The following TTLL5 variants were observed in gnomAD, a reference collection of about 807,000 sequenced individuals.
TTLL5 encodes tubulin polyglutamylase TTLL5.
Under a neutral mutation model 168.4 loss-of-function variants are expected in TTLL5, and 132 were observed. The ratio of observed to expected loss-of-function variants is 0.78; its 90% confidence interval spans 0.68 to 0.91. TTLL5 has a LOEUF of 0.91. Ranked by LOEUF, TTLL5 falls within the 40% of genes least tolerant of loss-of-function variation. The pLI is 0.00. For synonymous variants in TTLL5, 546 were observed against 558.6 expected, an observed-to-expected ratio of 0.98 and a Z score of 0.32; for missense variants, 1,545 against 1,581.5, an observed-to-expected ratio of 0.98 and a Z score of 0.39.
intron 31 of TTLL5, among the ~76,000 whole-genome samples, chr14:75,924,609 C>T (rs1328433745): frequency 6.6e-6 from 1 of 151,914 alleles, no homozygotes; most frequent in Admixed American, 6.5e-5. Context: ...GGTAAGGTCA[C>T]CGATCAACAG....
At chr14:75,688,546 A>G (rs1885228614) in intron 5 of TTLL5, among the ~76,000 whole-genome samples, 1 of 152,206 alleles carries the variant, frequency 6.6e-6, no homozygotes, top group African/African-American at 2.4e-5. Flanking sequence ...AGGGAGTCGT[A>G]GGGATGCCTA....
intron 31 of TTLL5, among the ~76,000 whole-genome samples, chr14:75,925,163 C>T (rs1353171650): frequency 1.6e-4 from 23 of 140,648 alleles, no homozygotes; most frequent in East Asian, 4.4e-4. Flanking sequence ...CCCTCCCGGA[C>T]GGGGCGGCTG....
At chr14:75,937,317 G>A (rs1401746023) in intron 31 of TTLL5, among the ~76,000 whole-genome samples, 3 of 150,178 alleles carry the variant, frequency 2.0e-5, no homozygotes, top group African/African-American at 7.4e-5. Context: ...TAGTAGAGAC[G>A]GGGTTTCATC....
intron 28 of TTLL5, among the ~76,000 whole-genome samples, chr14:75,832,081 C>T (rs929156972): frequency 2.6e-5 from 4 of 152,022 alleles, no homozygotes; most frequent in South Asian, 2.1e-4. Flanking sequence ...TCCCTTTTTA[C>T]GAAAGAACAG....
intron 27 of TTLL5, among the ~76,000 whole-genome samples, chr14:75,817,563 A>C (rs771891851): frequency 6.6e-6 from 1 of 152,232 alleles, no homozygotes; most frequent in Non-Finnish European, 1.5e-5. Context: ...CTTGCTAAAA[A>C]TGACCTTTTT....
intron 25 of TTLL5, 104 bp from the exon 26 acceptor site, chr14:75,783,043 T>C: frequency 2.4e-6 from 3 of 1,255,526 alleles, no homozygotes; most frequent in Non-Finnish European, 3.2e-6. Context: ...TTCTGTTTCA[T>C]GCCAAGATTA....
chr14:75,816,254 GTC>G (rs368689557), intron 27 of TTLL5, among the ~76,000 whole-genome samples: 1,886 of 152,232 alleles, frequency 0.012, 15 homozygotes, highest in South Asian at 0.025. Context: ...GTGAAATCCT[GTC>G]TCTACTAAAA....
chr14:75,907,864 A>G (rs1482658143), intron 31 of TTLL5, among the ~76,000 whole-genome samples: 2 of 152,252 alleles, frequency 1.3e-5, no homozygotes, highest in Non-Finnish European at 2.9e-5. Context: ...TGGCAGCCAG[A>G]AGAACAAATG....
rs1011610648 is a variant in TTLL5 at position 75,721,481 on chromosome 14, G to A, written c.1042+778G>A. On this transcript the variant is annotated intron_variant, in intron 12 of 31. Transcript: ENST00000298832. The stretch of plus-strand genomic sequence containing the variant: ...GGGGAGGATGATTAAAGTGTGGTGT[G>A]GAGTAATACAGGTAGTAAGGATATG... Among the ~76,000 whole-genome samples, 8 of 152,282 alleles carry A rather than the reference G, an allele frequency of 5.3e-5. No individual in the cohort carries two copies. The South Asian group carries it at 1.4e-3, about 28-fold the overall frequency.
At chr14:75,831,473 G>T (rs1481828791) in intron 28 of TTLL5, among the ~76,000 whole-genome samples, 2 of 152,126 alleles carry the variant, frequency 1.3e-5, no homozygotes, top group African/African-American at 4.8e-5. Flanking sequence ...GCTAGATGTT[G>T]GGGGAGTCTT....
At chr14:75,828,212 A>G (rs540969417) in intron 28 of TTLL5, among the ~76,000 whole-genome samples, 1 of 152,240 alleles carries the variant, frequency 6.6e-6, no homozygotes, top group East Asian at 1.9e-4. Flanking sequence ...TCAAATCACA[A>G]TTGACCCTTG....
At chr14:75,927,075 G>A (rs930203858) in intron 31 of TTLL5, among the ~76,000 whole-genome samples, 2 of 152,118 alleles carry the variant, frequency 1.3e-5, no homozygotes, top group Non-Finnish European at 2.9e-5. Context: ...TGTGGTAATG[G>A]TTACCCCATT....
At chr14:75,754,300 T>C (rs1288128533) in intron 18 of TTLL5, among the ~76,000 whole-genome samples, 2 of 152,250 alleles carry the variant, frequency 1.3e-5, no homozygotes, top group African/African-American at 4.8e-5. Flanking sequence ...TTCTGTTTTT[T>C]GCATTATTTT....
intron 30 of TTLL5, among the ~76,000 whole-genome samples, chr14:75,895,048 C>T (rs996020226): frequency 5.3e-5 from 8 of 152,140 alleles, no homozygotes; most frequent in African/African-American, 1.7e-4. Flanking sequence ...GCAGAATTAA[C>T]ATTTTGCTTT....
chr14:75,902,542 T>G, intron 31 of TTLL5: 1 of 514,118 alleles, frequency 1.9e-6, no homozygotes, highest in Non-Finnish European at 3.8e-6. Context: ...TTCCGCATGT[T>G]GTATCTCTCA....
chr14:75,714,709 C>A (rs2140189829), intron 9 of TTLL5, among the ~76,000 whole-genome samples: 1 of 152,304 alleles, frequency 6.6e-6, no homozygotes, highest in East Asian at 1.9e-4. Context: ...ATTCTTTGAG[C>A]ACAAGATGTT....
At chr14:75,927,104 TTTTG>T (rs1316342485) in intron 31 of TTLL5, among the ~76,000 whole-genome samples, 1 of 152,204 alleles carries the variant, frequency 6.6e-6, no homozygotes, top group Non-Finnish European at 1.5e-5. Flanking sequence ...GTGTTTTTGT[TTTTG>T]TTTTAATTTT....
chr14:75,714,291 C>A lies in TTLL5; in HGVS notation c.741-3570C>A, dbSNP rs192012106. ...TTGCTTTAGGTCATCTGCTAGATTC[C>A]TCCACTGTAAAATTATTTGGTCTTA... On this transcript the variant is annotated intron_variant, in intron 9 of 31. Coordinates refer to ENST00000298832, the MANE Select transcript of TTLL5 (RefSeq NM_015072.5). Among the ~76,000 whole-genome samples, 36 of 152,232 alleles carry A rather than the reference C, an allele frequency of 2.4e-4. No individual in the cohort carries two copies. In the East Asian group the frequency reaches 3.3e-3, roughly 14 times the overall value.
At chr14:75,728,986 AG>A (rs1280878232) in intron 12 of TTLL5, among the ~76,000 whole-genome samples, 1 of 152,182 alleles carries the variant, frequency 6.6e-6, no homozygotes, top group African/African-American at 2.4e-5. Context: ...GTTATTAGAG[AG>A]GGAGCAGAAG....
Sources: gnomAD v4.1 joint callset for allele counts (sites outside exome capture counted in the v4.1 genomes callset) on GRCh38, gnomAD v4.1.1 for gene constraint, MANE v1.5 for transcripts, NCBI Gene and HGNC (gene_info 2026-07-23, HGNC 2026-07-21) for gene names.